SASH1: variants seen among roughly 807,000 people sequenced by gnomAD.
SASH1 encodes SAM and SH3 domain containing 1.
Under a neutral mutation model 125.2 loss-of-function variants are expected in SASH1, and 44 were observed. The ratio of observed to expected loss-of-function variants is 0.35; its 90% CI spans 0.28 to 0.45. The LOEUF (loss-of-function observed/expected upper bound fraction) is 0.45. Among genes scored for constraint, SASH1 ranks in the 20% least tolerant of loss-of-function variants. The probability of loss-of-function intolerance (pLI) is 1.00; values close to 1 mark genes in which losing one functional copy is unlikely to be tolerated. For synonymous variants in SASH1, 639 were observed against 649.1 expected (o/e 0.98, Z 0.24); for missense variants, 1,426 against 1,614.5 (o/e 0.88, Z 2.00).
At chr6:148,421,207 A>AAGAAAGAAAGAG in intron 2 of SASH1, among the ~76,000 whole-genome samples, 2 of 138,972 alleles carry the variant, frequency 1.4e-5, no homozygotes, top group Non-Finnish European at 3.3e-5. Context: ...GAAAGAAAGA[A>AAGAAAGAAAGAG]AGAAAGAAAA....
the SASH1 span, among the ~76,000 whole-genome samples, chr6:148,223,756 C>T: frequency 1.3e-5 from 2 of 152,182 alleles, no homozygotes; most frequent in African/African-American, 4.8e-5. Context: ...TTCAATAAAG[C>T]ATGACCAAGC....
At chr6:148,487,541 C>T (rs749661898) in intron 7 of SASH1, 73 bp from the exon 8 acceptor site, 40 of 1,065,666 alleles carry the variant, frequency 3.8e-5, no homozygotes, top group Non-Finnish European at 5.3e-5. Context: ...TTATTTGAGT[C>T]ATTTCCCTGT....
intron 6 of SASH1, among the ~76,000 whole-genome samples, chr6:148,473,429 T>C (rs1463134098): frequency 1.3e-5 from 2 of 152,126 alleles, no homozygotes; most frequent in African/African-American, 2.4e-5. Flanking sequence ...AATTTCTGTA[T>C]TTTTAGTGGA....
At chr6:148,272,895 C>T (rs974962751) in intron 1 of SASH1, among the ~76,000 whole-genome samples, 1 of 152,036 alleles carries the variant, frequency 6.6e-6, no homozygotes, top group East Asian at 1.9e-4. Context: ...ACTTTGTTTC[C>T]GTCTTCGTCT....
chr6:148,513,594 C>G lies in SASH1; in HGVS notation c.730-730C>G, dbSNP rs943903112. The G allele has an allele frequency of 6.1e-6, 6 of 985,528 alleles. No individual in the cohort carries two copies. The African/African-American group carries it at 7.0e-5, about 11-fold the overall frequency. 61.0% of individuals were successfully genotyped at this position (985,528 alleles called of 1,614,324 possible). ...GTAATGTTTGATACTTGAGGGAAAA[C>G]AGCTGGGCCTGAGCATGCTGACTCC... On this transcript the variant is annotated intron_variant, in intron 8 of 19. Transcript: ENST00000367467.
chr6:148,519,714 T>C lies in SASH1; in HGVS notation c.1030T>C (p.Trp344Arg). The change falls in exon 10 of 20, where the codon TGG (tryptophan) becomes CGG (arginine). Residue 344 changes from tryptophan (W) to arginine (R), a missense_variant. Transcript: ENST00000367467. This position sits in a 1 kb window ranked among gnomAD's most constrained non-coding sequence, Gnocchi z 4.8. ...TCCATCCTCCAGCAGCCTGGACACC[T>C]GGGGGGCTGGCCGGAAGTTGGTCAA... ...TSPSSSSLDT[W>R]GAGRKLVKTF... 1 of 1,614,062 alleles carries C rather than the reference T, an allele frequency of 6.2e-7. No homozygotes were observed. Among genetic ancestry groups the C allele is most frequent in the Non-Finnish European group, 8.5e-7 (1 of 1,180,014 alleles).
At chr6:148,541,634 A>G (rs1038201174) in intron 17 of SASH1, among the ~76,000 whole-genome samples, 2 of 152,166 alleles carry the variant, frequency 1.3e-5, no homozygotes, top group African/African-American at 4.8e-5. Flanking sequence ...TACCAAAACT[A>G]GGGCTAAGGA....
chr6:148,319,157 C>A (rs111665041), intron 1 of SASH1, among the ~76,000 whole-genome samples: 7,321 of 150,786 alleles, frequency 0.049, 291 homozygotes, highest in South Asian at 0.14. Context: ...CTCAGCCTCC[C>A]GAGTAGCTGG....
intron 2 of SASH1, among the ~76,000 whole-genome samples, chr6:148,403,992 G>C (rs1034727899): frequency 1.6e-4 from 25 of 152,278 alleles, no homozygotes; most frequent in African/African-American, 6.0e-4. Context: ...TCTATAGTGA[G>C]TATGTTGTCC....
intron 1 of SASH1, among the ~76,000 whole-genome samples, chr6:148,375,447 C>T (rs540919318): frequency 1.1e-4 from 16 of 151,696 alleles, no homozygotes; most frequent in African/African-American, 2.7e-4. Context: ...AAATCCCTAA[C>T]GGAAGACAAT....
At chr6:148,373,993 A>G (rs1782794975) in intron 1 of SASH1, among the ~76,000 whole-genome samples, 1 of 152,186 alleles carries the variant, frequency 6.6e-6, no homozygotes. Context: ...AACAACAACA[A>G]GGACAACAAC....
chr6:148,470,041 A>AAG, intron 5 of SASH1, among the ~76,000 whole-genome samples: 1 of 151,358 alleles, frequency 6.6e-6, no homozygotes, highest in East Asian at 1.9e-4. Flanking sequence ...AAAAAAAAAA[A>AAG]GAAAGAAAAA....
upstream of SASH1, among the ~76,000 whole-genome samples, chr6:148,270,948 C>T (rs576803630): frequency 5.0e-4 from 71 of 141,428 alleles, no homozygotes; most frequent in East Asian, 0.011. Flanking sequence ...TCGCTCTTGT[C>T]GCCCACGCTG....
chr6:148,355,562 G>A (rs985829602), intron 1 of SASH1, among the ~76,000 whole-genome samples: 10 of 152,162 alleles, frequency 6.6e-5, no homozygotes, highest in African/African-American at 2.2e-4. Context: ...GTTACCCCAC[G>A]TTAATATTTT....
chr6:148,233,762 A>AAAAAAAAAAAAAAAAAAAAAAAAAAAAG, the SASH1 span, among the ~76,000 whole-genome samples: 1 of 142,552 alleles, frequency 7.0e-6, no homozygotes, highest in Non-Finnish European at 1.6e-5. Flanking sequence ...AAAAAAAAAA[A>AAAAAAAAAAAAAAAAAAAAAAAAAAAAG]ATTAGCTGGA....
chr6:148,342,603 GA>G (rs1781363412), upstream of SASH1: 1 of 152,176 alleles, frequency 6.6e-6, no homozygotes, highest in African/African-American at 2.4e-5. Context: ...ATTTTGAAGA[GA>G]GGGGTCCCGG....
chr6:148,333,566 CTGT>C (rs896288557), intron 1 of SASH1, among the ~76,000 whole-genome samples: 6 of 151,502 alleles, frequency 4.0e-5, no homozygotes, highest in South Asian at 2.1e-4. Context: ...ATCGTTGTCG[CTGT>C]TGTTGTTGTT....
At position 148,544,109 on chromosome 6, in the gene SASH1, A is replaced by G. The variant is rs560238911; in HGVS notation, c.2639A>G (p.Gln880Arg). 1 of 1,614,086 alleles carries G rather than the reference A, an allele frequency of 6.2e-7. No homozygotes were observed. Among genetic ancestry groups the G allele is most frequent in the African/African-American group, 1.3e-5 (1 of 75,026 alleles). Residue 880 changes from glutamine (Q) to arginine (R), a missense_variant, in exon 18 of 20, where the codon CAG becomes CGG. By Grantham distance (43) the Gln-to-Arg change is conservative. Coordinates refer to ENST00000367467, the MANE Select transcript of SASH1 (RefSeq NM_015278.5). The surrounding 1 kb of genome is among the most constrained non-coding windows in gnomAD (Gnocchi z 6.4). ...ACGACCGCCTCTTCCACGAAGGCCC[A>G]GCCCCTGGAGCAAGACTCTGCTGTC... The part of the protein sequence containing the change: ...QKTTASSTKA[Q>R]PLEQDSAVDN...
the SASH1 span, among the ~76,000 whole-genome samples, chr6:148,232,502 G>T: frequency 2.6e-5 from 4 of 152,216 alleles, no homozygotes; most frequent in Admixed American, 6.5e-5. Flanking sequence ...AAGATAATCT[G>T]AAAGGAGACA....
Sources: gnomAD v4.1 joint callset for allele counts (sites outside exome capture counted in the v4.1 genomes callset) on GRCh38, gnomAD v4.1.1 for gene constraint, Gnocchi (gnomAD v3.1) non-coding constraint, MANE v1.5 for transcripts, NCBI Gene and HGNC (gene_info 2026-07-23, HGNC 2026-07-21) for gene names.